Variants in SLC25A30 observed in about 807,000 individuals in gnomAD.
SLC25A30 encodes the protein kidney mitochondrial carrier protein 1.
Under a neutral mutation model 42.7 loss-of-function variants are expected in SLC25A30, and 29 were observed. The observed-to-expected ratio is 0.68, with a 90% CI of 0.51 to 0.93. SLC25A30 has a LOEUF of 0.93. Among genes scored for constraint, SLC25A30 ranks in the 40% least tolerant of loss-of-function variants. The pLI is 0.00. For missense variants in SLC25A30, 300 were observed against 359.7 expected (o/e 0.83, Z 1.34); for synonymous variants, 124 against 131.0 (o/e 0.95, Z 0.37).
rs777739916 is a variant in SLC25A30 at position 45,402,388 on chromosome 13, G to GA, written c.394-19dup. On this transcript the variant is annotated intron_variant, in intron 5 of 9. Coordinates refer to ENST00000519676, the MANE Select transcript of SLC25A30 (RefSeq NM_001010875.4). Reference sequence around the variant, plus strand: ...ATCCGAATCTAGAGATTATTTTAAAGACCAACATCAGAAAGAAACTACCAC... The same window carrying GA: ...ATCCGAATCTAGAGATTATTTTAAAGAACCAACATCAGAAAGAAACTACCAC... The GA allele has an allele frequency of 3.1e-6, 5 of 1,601,332 alleles. No individual in the cohort carries two copies. In the South Asian group the frequency reaches 5.5e-5, roughly 18 times the overall value.
intron 5 of SLC25A30, among the ~76,000 whole-genome samples, chr13:45,403,619 T>C (rs1882209574): frequency 6.6e-6 from 1 of 152,204 alleles, no homozygotes; most frequent in Non-Finnish European, 1.5e-5. Flanking sequence ...TTTTTTCATC[T>C]GTATTTCCTG....
the SLC25A30 span, among the ~76,000 whole-genome samples, chr13:45,424,610 T>TGTATAAATATAGAA: frequency 1.9e-5 from 1 of 51,704 alleles, no homozygotes; most frequent in Non-Finnish European, 3.6e-5. Context: ...TATATATAAA[T>TGTATAAATATAGAA]ATATATAAAT....
At chr13:45,427,906 A>C in the SLC25A30 span, among the ~76,000 whole-genome samples, 71,585 of 151,578 alleles carry the variant, frequency 0.47, 17,406 homozygotes, top group Non-Finnish European at 0.54. Flanking sequence ...ACCACTCCGG[A>C]TAATTTTGTA....
At chr13:45,426,379 C>T in the SLC25A30 span, among the ~76,000 whole-genome samples, 13 of 152,278 alleles carry the variant, frequency 8.5e-5, no homozygotes, top group East Asian at 1.2e-3. Flanking sequence ...GCCACCGCCC[C>T]CGGCCCAGTT....
rs754138489 is a variant in SLC25A30 at position 45,395,932 on chromosome 13, A to G, written c.*42T>C. The G allele has an allele frequency of 1.9e-6, 3 of 1,614,170 alleles. No individual in the cohort carries two copies. Among genetic ancestry groups the G allele is most frequent in the African/African-American group, 1.3e-5 (1 of 75,064 alleles). Reference sequence around the variant, plus strand: ...ACACAGGAAGCTTTGCTGTTTCAGAAGTTACCATTTTCAGAAAGATGTCTC... The same window carrying G: ...ACACAGGAAGCTTTGCTGTTTCAGAGGTTACCATTTTCAGAAAGATGTCTC... On this transcript the variant is annotated 3_prime_UTR_variant, in exon 10 of 10. Transcript: ENST00000519676.
upstream of SLC25A30, among the ~76,000 whole-genome samples, chr13:45,422,154 G>A (rs191677804): frequency 6.6e-6 from 1 of 152,206 alleles, no homozygotes; most frequent in African/African-American, 2.4e-5. Flanking sequence ...AATAACAAAT[G>A]CTTTGGAATC....
chr13:45,433,324 A>T, the SLC25A30 span, among the ~76,000 whole-genome samples: 1 of 152,216 alleles, frequency 6.6e-6, no homozygotes, highest in East Asian at 1.9e-4. Flanking sequence ...GGTACTAAAC[A>T]GGTGGCTCCC....
At position 45,398,897 on chromosome 13, in the gene SLC25A30, AT is replaced by A. The variant is rs542195596; in HGVS notation, c.753+42del. The stretch of plus-strand genomic sequence containing the variant: ...TTTAGTTACTTCTTAGATCAAAAAA[AT>A]ATATAATTCACAACCCTGCAGAGAC... On this transcript the variant is annotated intron_variant, in intron 8 of 9. Coordinates refer to ENST00000519676, the MANE Select transcript of SLC25A30 (RefSeq NM_001010875.4). 1.3e-4 allele frequency: 200 copies of A among 1,582,726 alleles called. 1 individual carries two copies. The South Asian group carries it at 2.1e-3, about 17-fold the overall frequency.
Position 45,394,234 on chromosome 13 carries a change from C to A in SLC25A30, c.*1740G>T. On this transcript the variant is annotated 3_prime_UTR_variant, in exon 10 of 10. Coordinates refer to ENST00000519676, the MANE Select transcript of SLC25A30 (RefSeq NM_001010875.4). ...TCTCAGCAATTAACAGGTAACCCTA[C>A]CCCACTGCACCCCGCCCCCGCCCCC... 1 of 984,226 alleles carries A rather than the reference C, an allele frequency of 1.0e-6. No homozygotes were observed. The highest frequency in any genetic ancestry group is 1.2e-6 in the Non-Finnish European group (1 of 829,124). The allele number at this position is 984,226 out of a possible 1,614,324, so 61.0% of individuals were successfully genotyped here.
chr13:45,396,260 T>C, intron 9 of SLC25A30: 2 of 1,378,698 alleles, frequency 1.5e-6, no homozygotes, highest in Non-Finnish European at 1.9e-6. Context: ...TGAGATGGCA[T>C]CTACGCTGAT....
At chr13:45,433,032 C>CAAA in the SLC25A30 span, among the ~76,000 whole-genome samples, 45,567 of 129,346 alleles carry the variant, frequency 0.35, 8,695 homozygotes, top group Non-Finnish European at 0.42. Context: ...GACTCTTTCT[C>CAAA]AAAAAAAAAA....
the SLC25A30 span, among the ~76,000 whole-genome samples, chr13:45,424,083 A>T: frequency 9.9e-6 from 1 of 100,694 alleles, no homozygotes; most frequent in East Asian, 3.2e-4. Context: ...ATATAAATAT[A>T]TATAAATCTA....
upstream of SLC25A30, among the ~76,000 whole-genome samples, chr13:45,423,193 G>A (rs1250888967): frequency 2.6e-5 from 4 of 151,928 alleles, no homozygotes; most frequent in African/African-American, 7.3e-5. Flanking sequence ...GGAAGACAGA[G>A]GTCAGGATGG....
the SLC25A30 span, among the ~76,000 whole-genome samples, chr13:45,423,813 A>AATATAAATATATATTTATATATAT: frequency 2.6e-5 from 1 of 38,256 alleles, no homozygotes; most frequent in African/African-American, 8.0e-5. Context: ...TATATATATA[A>AATATAAATATATATTTATATATAT]AAATATAAAT....
the SLC25A30 span, among the ~76,000 whole-genome samples, chr13:45,433,032 CA>C: frequency 2.2e-4 from 28 of 129,860 alleles, no homozygotes; most frequent in East Asian, 4.4e-4. Flanking sequence ...GACTCTTTCT[CA>C]AAAAAAAAAA....
chr13:45,409,080 A>T lies in SLC25A30; in HGVS notation c.65-6T>A. On this transcript the variant is annotated splice_region_variant and splice_polypyrimidine_tract_variant and intron_variant, in intron 2 of 9. Coordinates refer to ENST00000519676, the MANE Select transcript of SLC25A30 (RefSeq NM_001010875.4). ...TAAATCAATTGGAAATGTACCTTAA[A>T]ATTTAAAAAGAAATTCACTTAATAA... The T allele has an allele frequency of 1.3e-6, 2 of 1,588,164 alleles. No individual in the cohort carries two copies. The highest frequency in any genetic ancestry group is 2.7e-5 in the African/African-American group (2 of 73,572).
At chr13:45,419,336 T>C (rs1272225108), upstream of SLC25A30, among the ~76,000 whole-genome samples, 1 of 151,356 alleles carries the variant, frequency 6.6e-6, no homozygotes, top group Non-Finnish European at 1.5e-5. Context: ...GTTTTGTTTT[T>C]AGACAGAGCC....
chr13:45,425,356 A>G, the SLC25A30 span, among the ~76,000 whole-genome samples: 1 of 110,040 alleles, frequency 9.1e-6, no homozygotes, highest in Non-Finnish European at 1.7e-5. Context: ...AACTATATGT[A>G]AGTATATGTA....
chr13:45,407,502 G>A (rs1202780748), intron 3 of SLC25A30, among the ~76,000 whole-genome samples: 2 of 152,136 alleles, frequency 1.3e-5, no homozygotes, highest in Non-Finnish European at 1.5e-5. Flanking sequence ...AGAGGCTGCT[G>A]TAAGCCATTT....
Sources: gnomAD v4.1 joint callset for allele counts (sites outside exome capture counted in the v4.1 genomes callset) on GRCh38, gnomAD v4.1.1 for gene constraint, MANE v1.5 for transcripts, NCBI Gene and HGNC (gene_info 2026-07-23, HGNC 2026-07-21) for gene names.